Variants in ZIM2 observed in about 807,000 individuals in gnomAD.
The protein encoded by ZIM2 is zinc finger imprinted 2, also known as zinc finger protein 656.
ZIM2 carries 14 observed loss-of-function variants against 38.6 expected under a neutral mutation model. That is an observed-to-expected ratio of 0.36 (90% CI 0.24 to 0.57). The LOEUF (loss-of-function observed/expected upper bound fraction) is 0.57. ZIM2 is among the 20% of genes least tolerant of loss of function. The pLI is 0.81. For synonymous variants in ZIM2, 247 were observed against 245.8 expected (o/e 1.00, Z -0.04); for missense variants, 680 against 695.1 (o/e 0.98, Z 0.24).
At chr19:56,806,322 T>C (rs1883971752) in intron 9 of ZIM2, among the ~76,000 whole-genome samples, 2 of 152,244 alleles carry the variant, frequency 1.3e-5, no homozygotes, top group South Asian at 4.1e-4. Context: ...TAAGCTCTTA[T>C]CTCATTACTC....
chr19:56,780,005 CTATT>C (rs2046242882), intron 11 of ZIM2, among the ~76,000 whole-genome samples: 1 of 152,062 alleles, frequency 6.6e-6, no homozygotes. Context: ...AAATTATTAT[CTATT>C]TGTTTACTGT....
At chr19:56,834,672 A>T (rs921190908) in intron 2 of ZIM2, among the ~76,000 whole-genome samples, 1 of 152,184 alleles carries the variant, frequency 6.6e-6, no homozygotes, top group Non-Finnish European at 1.5e-5. Context: ...CCAAGTCTCC[A>T]CAGGGTTAAG....
chr19:56,782,222 C>T, intron 10 of ZIM2, 101 bp from the exon 11 acceptor site: 1 of 1,458,806 alleles, frequency 6.9e-7, no homozygotes, highest in Non-Finnish European at 9.2e-7. Flanking sequence ...TCCAGAGCCA[C>T]AGGCACCTGG....
intron 12 of ZIM2, among the ~76,000 whole-genome samples, chr19:56,776,300 C>G (rs536201442): frequency 1.3e-5 from 2 of 152,034 alleles, no homozygotes; most frequent in Non-Finnish European, 2.9e-5. Context: ...CGCTAATATT[C>G]TGAAAAACAA....
In ZIM2 at chr19:56,816,518, G is replaced by A. The variant is rs375564354; in HGVS notation, c.490+1228C>T. 43 of 1,613,254 alleles carry A rather than the reference G, an allele frequency of 2.7e-5. No homozygotes were observed. In the African/African-American group the frequency reaches 5.1e-4, roughly 19 times the overall value. On this transcript the variant is annotated intron_variant, in intron 9 of 12. Transcript: ENST00000629319. ...GTATGGATTTTCTGATGTTCTTTCA[G>A]GGATGAGCTATGAAGGAAAGTCTCC...
intron 1 of ZIM2, among the ~76,000 whole-genome samples, chr19:56,838,928 G>A (rs936593175): frequency 6.6e-6 from 1 of 152,152 alleles, no homozygotes; most frequent in South Asian, 2.1e-4. Flanking sequence ...GGTGGGCGGG[G>A]CTTGAACAGA....
At chr19:56,823,041 A>C (rs898381166) in intron 5 of ZIM2, among the ~76,000 whole-genome samples, 1 of 152,194 alleles carries the variant, frequency 6.6e-6, no homozygotes. Context: ...GCTTTGCCCA[A>C]GTGGGGCTTG....
At chr19:56,804,567 T>C (rs1163557077) in intron 9 of ZIM2, among the ~76,000 whole-genome samples, 5 of 152,222 alleles carry the variant, frequency 3.3e-5, no homozygotes, top group East Asian at 3.9e-4. Context: ...TATGATCTCA[T>C]GTAACCCTCA....
intron 9 of ZIM2, chr19:56,817,342 T>C (rs1453158067): frequency 6.2e-7 from 1 of 1,614,036 alleles, no homozygotes; most frequent in South Asian, 1.1e-5. Context: ...TGCATTCCCT[T>C]CATAAACCCG....
chr19:56,803,296 G>A (rs1184501083), intron 9 of ZIM2, among the ~76,000 whole-genome samples: 1 of 152,210 alleles, frequency 6.6e-6, no homozygotes. Context: ...TAGAGGTGAT[G>A]GTGAAGTGTA....
At chr19:56,819,063 C>T (rs1451331272) in intron 7 of ZIM2, among the ~76,000 whole-genome samples, 2 of 152,172 alleles carry the variant, frequency 1.3e-5, no homozygotes, top group Non-Finnish European at 2.9e-5. Context: ...TGGGCCTGAA[C>T]AGTGTGCAAA....
chr19:56,781,577 G>C (rs1391093166), intron 11 of ZIM2, among the ~76,000 whole-genome samples: 1 of 152,112 alleles, frequency 6.6e-6, no homozygotes, highest in Non-Finnish European at 1.5e-5. Context: ...AGATTCTGGA[G>C]TCTGCTTGGG....
At chr19:56,777,627 T>C (rs1465658132) in intron 12 of ZIM2, among the ~76,000 whole-genome samples, 1 of 152,264 alleles carries the variant, frequency 6.6e-6, no homozygotes, top group East Asian at 1.9e-4. Flanking sequence ...ATTAGCCACA[T>C]GTTGCTATCA....
At chr19:56,825,668 T>C (rs1381899184) in intron 3 of ZIM2, among the ~76,000 whole-genome samples, 1 of 152,154 alleles carries the variant, frequency 6.6e-6, no homozygotes, top group Non-Finnish European at 1.5e-5. Flanking sequence ...GCACATCTGG[T>C]GCAACTAAGT....
intron 9 of ZIM2, chr19:56,816,871 C>T (rs775074097): frequency 4.3e-6 from 7 of 1,614,094 alleles, no homozygotes; most frequent in South Asian, 2.2e-5. Flanking sequence ...ATGAATCTTC[C>T]GATGTTCAGC....
chr19:56,784,197 G>A (rs1455203774), intron 10 of ZIM2, among the ~76,000 whole-genome samples: 2 of 152,144 alleles, frequency 1.3e-5, no homozygotes, highest in East Asian at 3.9e-4. Context: ...TAGTGCATGT[G>A]CACCTTTCTG....
At chr19:56,835,193 C>G (rs965158139) in intron 2 of ZIM2, among the ~76,000 whole-genome samples, 1 of 152,194 alleles carries the variant, frequency 6.6e-6, no homozygotes, top group Non-Finnish European at 1.5e-5. Flanking sequence ...CTTCTGCACC[C>G]TGAAACCAGA....
chr19:56,809,860 T>C (rs1168690672), intron 9 of ZIM2, among the ~76,000 whole-genome samples: 2 of 152,232 alleles, frequency 1.3e-5, no homozygotes, highest in African/African-American at 4.8e-5. Flanking sequence ...TGTTGGAACA[T>C]ATGTTTTAGT....
At chr19:56,810,805 G>A (rs2048095813) in intron 9 of ZIM2, 2 of 973,168 alleles carry the variant, frequency 2.1e-6, no homozygotes, top group East Asian at 1.1e-4. Flanking sequence ...GTAGTTGTTA[G>A]GTGTTGGGAA....
Sources: gnomAD v4.1 joint callset for allele counts (sites outside exome capture counted in the v4.1 genomes callset) on GRCh38, gnomAD v4.1.1 for gene constraint, MANE v1.5 for transcripts, NCBI Gene and HGNC (gene_info 2026-07-23, HGNC 2026-07-21) for gene names.